The following PTP4A3 variants were observed in gnomAD, a reference collection of about 807,000 sequenced individuals.
The protein encoded by PTP4A3 is protein tyrosine phosphatase type IVA 3.
A neutral mutation model predicts 15.2 loss-of-function variants in PTP4A3; 9 were observed. The ratio of observed to expected loss-of-function variants is 0.59; its 90% CI spans 0.36 to 1.03. The LOEUF (loss-of-function observed/expected upper bound fraction) is 1.03. Among genes scored for constraint, PTP4A3 ranks in the 50% least tolerant of loss-of-function variants. The pLI is 0.02. For synonymous variants in PTP4A3, 95 were observed against 102.0 expected (o/e 0.93, Z 0.41); for missense variants, 234 against 252.1 (o/e 0.93, Z 0.49).
intron 5 of PTP4A3, among the ~76,000 whole-genome samples, chr8:141,429,308 C>T (rs1447572128): frequency 6.6e-6 from 1 of 152,264 alleles, no homozygotes; most frequent in East Asian, 1.9e-4. Flanking sequence ...CCAGGGCCAG[C>T]CTGTGGCCAC....
At chr8:141,405,956 G>A (rs1415625368) in intron 1 of PTP4A3, among the ~76,000 whole-genome samples, 5 of 152,186 alleles carry the variant, frequency 3.3e-5, no homozygotes, top group Non-Finnish European at 2.9e-5. Context: ...GGCTACAGCA[G>A]ATGAGGAGAG....
chr8:141,416,725 C>A (rs145750471), intron 1 of PTP4A3, among the ~76,000 whole-genome samples: 1 of 152,110 alleles, frequency 6.6e-6, no homozygotes, highest in African/African-American at 2.4e-5. Flanking sequence ...AGACTGGGCA[C>A]AGCCCTCCTG....
At chr8:141,400,970 G>A (rs765251261) in intron 1 of PTP4A3, among the ~76,000 whole-genome samples, 3 of 152,128 alleles carry the variant, frequency 2.0e-5, no homozygotes, top group Non-Finnish European at 2.9e-5. Flanking sequence ...ATCACAGTAC[G>A]GAGGGAGTCA....
chr8:141,429,350 G>A (rs1833738449), intron 5 of PTP4A3, among the ~76,000 whole-genome samples: 1 of 152,262 alleles, frequency 6.6e-6, no homozygotes, highest in Non-Finnish European at 1.5e-5. Context: ...GGATGGATGA[G>A]CCTCCAGAGG....
chr8:141,416,131 A>G (rs1833044337), intron 1 of PTP4A3, among the ~76,000 whole-genome samples: 1 of 152,150 alleles, frequency 6.6e-6, no homozygotes, highest in Non-Finnish European at 1.5e-5. Context: ...GTAGCGCCAG[A>G]GGCGACGGGC....
In PTP4A3 at chr8:141,422,725, C is replaced by T. The variant is rs76967575; in HGVS notation, c.105+380C>T. On this transcript the variant is annotated intron_variant, in intron 2 of 5. Transcript: ENST00000521578. ...GAGCCCTTTGCTGTCCCAGATGTTG[C>T]TGGGCTCTGGATGAGGCCTCAGGTT... is the stretch of plus-strand genomic sequence containing the variant. 6.6e-3 allele frequency among the ~76,000 whole-genome samples: 1,010 copies of T among 152,274 alleles called. 16 individuals carry two copies. The highest frequency in any genetic ancestry group is 0.022 in the African/African-American group (929 of 41,552).
At chr8:141,401,961 G>A (rs541199832) in intron 1 of PTP4A3, among the ~76,000 whole-genome samples, 4 of 125,506 alleles carry the variant, frequency 3.2e-5, no homozygotes, top group Non-Finnish European at 5.9e-5. Flanking sequence ...TTCAGCCCAG[G>A]GGGGCCCCGT....
chr8:141,407,026 C>G (rs887496471), intron 1 of PTP4A3, among the ~76,000 whole-genome samples: 28 of 152,312 alleles, frequency 1.8e-4, no homozygotes, highest in African/African-American at 5.5e-4. Flanking sequence ...ACCCTTTGCC[C>G]TCTCTGCTGG....
At chr8:141,424,519 C>T (rs1258589481) in intron 2 of PTP4A3, among the ~76,000 whole-genome samples, 1 of 152,044 alleles carries the variant, frequency 6.6e-6, no homozygotes, top group Non-Finnish European at 1.5e-5. Context: ...GGTCGCTGTT[C>T]GGATGCAGGG....
chr8:141,419,638 C>A (rs1833235693), intron 1 of PTP4A3, among the ~76,000 whole-genome samples: 1 of 149,426 alleles, frequency 6.7e-6, no homozygotes, highest in Non-Finnish European at 1.5e-5. Flanking sequence ...ATGGAGCGAT[C>A]TCGGCTCACT....
chr8:141,417,228 G>C (rs1410007974), intron 1 of PTP4A3, among the ~76,000 whole-genome samples: 2 of 152,186 alleles, frequency 1.3e-5, no homozygotes, highest in Non-Finnish European at 2.9e-5. Flanking sequence ...AATCCTGCCT[G>C]CCGGTGTTAC....
At chr8:141,410,422 G>C (rs938476992) in intron 1 of PTP4A3, among the ~76,000 whole-genome samples, 3 of 152,230 alleles carry the variant, frequency 2.0e-5, no homozygotes, top group Non-Finnish European at 2.9e-5. Flanking sequence ...GAAGCCCTGC[G>C]GGGAAGAAGC....
At chr8:141,402,429 C>T (rs1832615966) in intron 1 of PTP4A3, among the ~76,000 whole-genome samples, 1 of 152,316 alleles carries the variant, frequency 6.6e-6, no homozygotes, top group Non-Finnish European at 1.5e-5. Flanking sequence ...TTGTGGCAGC[C>T]CCAGTGCCCA....
intron 5 of PTP4A3, among the ~76,000 whole-genome samples, chr8:141,429,218 A>AGCAG (rs1307178517): frequency 1.3e-5 from 2 of 152,234 alleles, no homozygotes; most frequent in African/African-American, 4.8e-5. Flanking sequence ...CGAGGAAACG[A>AGCAG]GCACGGTGGA....
rs1241403753 is a variant in PTP4A3 at position 141,421,452 on chromosome 8, TGCTGCGCCCAGGGTC to T, written c.-786_-772del. On this transcript the variant is annotated 5_prime_UTR_variant, in exon 2 of 6. Transcript: ENST00000521578. ...GGCCACGGGGCCCAGCCCTAAGCAC[TGCTGCGCCCAGGGTC>T]GCCGCGCCTCCTGCTGAGGGGTCCC... The T allele has an allele frequency of 6.6e-6, 1 of 152,458 alleles. No homozygotes were observed. The highest frequency in any genetic ancestry group is 1.5e-5 in the Non-Finnish European group (1 of 68,104). 9.4% of individuals were successfully genotyped at this position (152,458 alleles called of 1,614,324 possible). A position where few individuals can be genotyped will look rare whatever the true frequency, so the allele number is the denominator to read the frequency against.
At chr8:141,430,149 G>T (rs1313442053) in intron 5 of PTP4A3, among the ~76,000 whole-genome samples, 5 of 149,412 alleles carry the variant, frequency 3.3e-5, no homozygotes, top group Admixed American at 1.3e-4. Context: ...GGACCAGGTG[G>T]CGGGGACAGG....
At chr8:141,398,053 T>C (rs1563723132) in intron 1 of PTP4A3, among the ~76,000 whole-genome samples, 1 of 152,158 alleles carries the variant, frequency 6.6e-6, no homozygotes, top group Non-Finnish European at 1.5e-5. Context: ...GCTGGAGCCC[T>C]TGGCCCTGGA....
Position 141,432,375 on chromosome 8 carries a change from A to C in PTP4A3, c.*1331A>C, listed in dbSNP as rs537596355. On this transcript the variant is annotated 3_prime_UTR_variant, in exon 6 of 6. Coordinates refer to ENST00000521578, the MANE Select transcript of PTP4A3 (RefSeq NM_032611.3). ...CCCAGCTCCTGTGTGGAGAAAGGGC[A>C]ACAGCTGTCCCGGATGGTTATTCTC... is the stretch of plus-strand genomic sequence containing the variant. The C allele has an allele frequency of 1.3e-5, 2 of 152,236 alleles. No homozygotes were observed. Among genetic ancestry groups the C allele is most frequent in the African/African-American group, 2.4e-5 (1 of 41,458 alleles). The allele number at this position is 152,236 out of a possible 1,614,324, so 9.4% of individuals were successfully genotyped here.
At chr8:141,398,231 A>G (rs989729232) in intron 1 of PTP4A3, among the ~76,000 whole-genome samples, 1 of 152,172 alleles carries the variant, frequency 6.6e-6, no homozygotes, top group Non-Finnish European at 1.5e-5. Flanking sequence ...GGTGGGCATA[A>G]CATCCCTTGG....
Sources: gnomAD v4.1 joint callset for allele counts (sites outside exome capture counted in the v4.1 genomes callset) on GRCh38, gnomAD v4.1.1 for gene constraint, MANE v1.5 for transcripts, NCBI Gene and HGNC (gene_info 2026-07-23, HGNC 2026-07-21) for gene names.